KIF15: variants seen among roughly 807,000 people sequenced by gnomAD.
The protein encoded by KIF15 is kinesin-like protein KIF15.
In KIF15, 140 loss-of-function variants were observed where a neutral mutation model predicts 190.6. The observed-to-expected ratio is 0.73, with a 90% CI of 0.64 to 0.84. The LOEUF (loss-of-function observed/expected upper bound fraction) is 0.84, where lower values mean the gene tolerates loss of function less well. Among genes scored for constraint, KIF15 ranks in the 40% least tolerant of loss-of-function variants. KIF15 has a pLI of 0.00. For synonymous variants in KIF15, 528 were observed against 551.3 expected (o/e 0.96, Z 0.59); for missense variants, 1,372 against 1,584.4 (o/e 0.87, Z 2.28).
chr3:44,778,086 T>C, intron 3 of KIF15, 29 bp from the exon 4 acceptor site: 1 of 1,578,626 alleles, frequency 6.3e-7, no homozygotes, highest in Non-Finnish European at 8.7e-7. Flanking sequence ...ATTTTTATGA[T>C]ATGTTAACAT....
intron 6 of KIF15, chr3:44,862,797 T>TTGCA (rs1699273322): frequency 6.6e-6 from 1 of 152,144 alleles, no homozygotes; most frequent in Admixed American, 6.5e-5. Flanking sequence ...CAGCCCAAGG[T>TTGCA]TAGCCTCTGA....
chr3:44,840,951 G>C lies in KIF15; in HGVS notation c.3421-123G>C, dbSNP rs144524264. 1,118 of 916,872 alleles carry C rather than the reference G, an allele frequency of 1.2e-3. 5 individuals carry two copies. In the African/African-American group the frequency reaches 0.014, roughly 12 times the overall value. 56.8% of individuals were successfully genotyped at this position (916,872 alleles called of 1,614,324 possible). A position where few individuals can be genotyped will look rare whatever the true frequency, so the allele number is the denominator to read the frequency against. ...GGCCTCCCAAAGTGCTAGGATTACA[G>C]GTGTGAGCCACCATGCCCAGCCGTA... On this transcript the variant is annotated intron_variant, in intron 28 of 34. Transcript: ENST00000326047.
chr3:44,829,625 A>ATTATATATTATATATG (rs1559575268), intron 24 of KIF15, among the ~76,000 whole-genome samples: 74 of 44,790 alleles, frequency 1.7e-3, no homozygotes, highest in Non-Finnish European at 2.1e-3. Context: ...ATATGTATAT[A>ATTATATATTATATATG]CATTATATAT....
At chr3:44,832,816 A>G (rs1698133188) in intron 26 of KIF15, among the ~76,000 whole-genome samples, 1 of 152,056 alleles carries the variant, frequency 6.6e-6, no homozygotes, top group South Asian at 2.1e-4. Flanking sequence ...GGAGTTCCAG[A>G]CCAGCCTGGC....
At chr3:44,831,595 G>C (rs1390127716) in intron 26 of KIF15, among the ~76,000 whole-genome samples, 1 of 151,980 alleles carries the variant, frequency 6.6e-6, no homozygotes, top group Non-Finnish European at 1.5e-5. Context: ...TTTTATTTTT[G>C]TTTTTTTGAT....
chr3:44,852,074 G>A, intron 33 of KIF15, 122 bp downstream of exon 33: 4 of 1,423,984 alleles, frequency 2.8e-6, no homozygotes, highest in Admixed American at 2.2e-5. Flanking sequence ...TGTATGAAGA[G>A]TTGTGAGGCC....
chr3:44,861,310 GT>G (rs1220777961), intron 6 of KIF15, among the ~76,000 whole-genome samples: 1 of 152,252 alleles, frequency 6.6e-6, no homozygotes, highest in Non-Finnish European at 1.5e-5. Flanking sequence ...CTAAACATAC[GT>G]AAGTATAACA....
chr3:44,827,659 C>T (rs1394878097), intron 23 of KIF15, 131 bp downstream of exon 23: 1 of 534,998 alleles, frequency 1.9e-6, no homozygotes, highest in Non-Finnish European at 3.3e-6. Context: ...GAATTTGGGG[C>T]TGGTTCTATT....
chr3:44,799,439 C>A (rs1707152556), intron 10 of KIF15: 1 of 428,006 alleles, frequency 2.3e-6, no homozygotes, highest in Non-Finnish European at 4.7e-6. Flanking sequence ...TTTTTCCTTG[C>A]TGGAGTACTG....
chr3:44,780,067 C>CTT (rs757687365), intron 4 of KIF15, among the ~76,000 whole-genome samples: 12 of 123,092 alleles, frequency 9.7e-5, no homozygotes, highest in Admixed American at 2.6e-4. Flanking sequence ...TAAAATACAA[C>CTT]TTTTTTTTTT....
chr3:44,792,722 A>G (rs970238800), intron 7 of KIF15, among the ~76,000 whole-genome samples: 1 of 151,622 alleles, frequency 6.6e-6, no homozygotes, highest in Non-Finnish European at 1.5e-5. Flanking sequence ...AATTTTTTAT[A>G]TTTTTAGCGG....
rs1275296312 is a variant in KIF15, at chr3:44,826,389, T to C, written c.2715T>C (p.Leu905=). The C allele has an allele frequency of 6.2e-7, 1 of 1,613,122 alleles. No individual in the cohort carries two copies. The highest frequency in any genetic ancestry group is 1.3e-5 in the African/African-American group (1 of 74,910). ...TTGTCTTTTAGAATTTGATGGAGCT[T>C]CTTGAGGCAGAAAAAGAACGCAATA... ...LKSDLNNLME[L]LEAEKERNNK... The change falls in exon 22 of 35, where the codon CTT becomes CTC. Residue 905 remains leucine, a synonymous_variant. Transcript: ENST00000326047.
chr3:44,843,420 G>A (rs923966490), intron 30 of KIF15, among the ~76,000 whole-genome samples, 186 bp downstream of exon 30: 16 of 152,096 alleles, frequency 1.1e-4, no homozygotes, highest in Admixed American at 7.2e-4. Flanking sequence ...TCTGCAGTGC[G>A]TTTTTGGCAT....
At chr3:44,807,766 G>A (rs969759973) in intron 16 of KIF15, among the ~76,000 whole-genome samples, 2 of 151,878 alleles carry the variant, frequency 1.3e-5, no homozygotes, top group African/African-American at 4.8e-5. Flanking sequence ...GGGAAAAAAT[G>A]TTCTCCCCCT....
chr3:44,801,920 G>A lies in KIF15; in HGVS notation c.1455G>A (p.Glu485=), dbSNP rs989313522. 1.2e-6 allele frequency: 2 copies of A among 1,613,930 alleles called. No individual in the cohort carries two copies. Among genetic ancestry groups the A allele is most frequent in the East Asian group, 4.5e-5 (2 of 44,868 alleles). The change falls in exon 13 of 35, where the codon GAG becomes GAA. Residue 485 remains glutamate, a synonymous_variant. Coordinates refer to ENST00000326047, the MANE Select transcript of KIF15 (RefSeq NM_020242.3). ...KESRGGFLPE[E]QDRLLSELRN... is the part of the protein sequence containing the mutation. ...CCCGGGGAGGTTTTCTGCCTGAGGA[G>A]CAGGATCGTTTGCTCTCAGAATTAA...
At chr3:44,861,931 G>C (rs1035700756) in intron 6 of KIF15, 3 of 1,442,088 alleles carry the variant, frequency 2.1e-6, no homozygotes, top group Middle Eastern at 1.9e-4. Flanking sequence ...CAACATGGCC[G>C]AGAGGCCGGG....
chr3:44,860,097 A>G (rs985815486), intron 6 of KIF15, among the ~76,000 whole-genome samples: 5 of 152,186 alleles, frequency 3.3e-5, no homozygotes, highest in African/African-American at 1.2e-4. Flanking sequence ...AAGGTAGGGG[A>G]GTAGCAGAGA....
intron 26 of KIF15, among the ~76,000 whole-genome samples, chr3:44,832,289 G>T (rs897914461): frequency 6.6e-6 from 1 of 152,212 alleles, no homozygotes. Context: ...AGCCTGTGTA[G>T]TGAAGTGTCT....
intron 7 of KIF15, among the ~76,000 whole-genome samples, chr3:44,792,730 C>A (rs749912178): frequency 6.6e-6 from 1 of 151,684 alleles, no homozygotes; most frequent in Non-Finnish European, 1.5e-5. Context: ...ATATTTTTAG[C>A]GGAGACGGGG....
Sources: gnomAD v4.1 joint callset for allele counts (sites outside exome capture counted in the v4.1 genomes callset) on GRCh38, gnomAD v4.1.1 for gene constraint, MANE v1.5 for transcripts, NCBI Gene and HGNC (gene_info 2026-07-23, HGNC 2026-07-21) for gene names.